CDH13: variants seen among roughly 807,000 people sequenced by gnomAD.
The protein encoded by CDH13 is cadherin 13.
CDH13 carries 24 observed loss-of-function variants against 63.8 expected under a neutral mutation model. The observed-to-expected ratio is 0.38, with a 90% CI of 0.27 to 0.53. The LOEUF (loss-of-function observed/expected upper bound fraction) is 0.53, where lower values mean the gene tolerates loss of function less well. CDH13 is among the 20% of genes least tolerant of loss of function. The pLI, the probability that CDH13 is intolerant of heterozygous loss-of-function variation, is 0.85. For missense variants in CDH13, 1,049 were observed against 903.1 expected (o/e 1.16, Z -2.07); for synonymous variants, 503 against 355.3 (o/e 1.42, Z -4.67).
chr16:83,733,148 G>A (rs1221133746), intron 10 of CDH13, among the ~76,000 whole-genome samples: 1 of 152,208 alleles, frequency 6.6e-6, no homozygotes, highest in African/African-American at 2.4e-5. Context: ...CGTATGTATG[G>A]AATGAACACT....
intron 8 of CDH13, among the ~76,000 whole-genome samples, chr16:83,653,638 A>G (rs192401391): frequency 1.7e-4 from 26 of 152,352 alleles, no homozygotes; most frequent in Middle Eastern, 3.4e-3. Context: ...GACAGGAAAC[A>G]GAACCCAGGA....
chr16:82,710,274 A>T (rs1249737808), intron 1 of CDH13, among the ~76,000 whole-genome samples: 3 of 146,196 alleles, frequency 2.1e-5, no homozygotes, highest in African/African-American at 2.5e-5. Flanking sequence ...AATATATTTT[A>T]TATGTTTAAT....
chr16:83,216,149 T>C (rs1427174839), intron 4 of CDH13, among the ~76,000 whole-genome samples: 1 of 151,468 alleles, frequency 6.6e-6, no homozygotes, highest in Non-Finnish European at 1.5e-5. Flanking sequence ...CCTCCACCTT[T>C]CCCTTCCAAA....
chr16:82,972,010 A>G (rs563688719), intron 2 of CDH13, among the ~76,000 whole-genome samples: 4 of 152,158 alleles, frequency 2.6e-5, no homozygotes, highest in Non-Finnish European at 4.4e-5. Flanking sequence ...CCCTGCCATA[A>G]GCTTATTTGT....
intron 1 of CDH13, among the ~76,000 whole-genome samples, chr16:82,763,105 C>T (rs980825035): frequency 6.6e-6 from 1 of 152,154 alleles, no homozygotes; most frequent in African/African-American, 2.4e-5. Flanking sequence ...ACACCCCAGG[C>T]GTCCTTGTAC....
chr16:82,849,199 A>G (rs921392856), intron 1 of CDH13, among the ~76,000 whole-genome samples: 18 of 152,188 alleles, frequency 1.2e-4, no homozygotes, highest in Admixed American at 1.2e-3. Flanking sequence ...AACGATCCCT[A>G]TAACATAAAA....
chr16:82,928,505 A>G (rs6565081), intron 2 of CDH13, among the ~76,000 whole-genome samples: 94,384 of 152,100 alleles, frequency 0.62, 30,859 homozygotes, highest in Non-Finnish European at 0.73. Flanking sequence ...CACACCAGGG[A>G]TACTATCATC....
chr16:83,722,772 G>T (rs148728577), intron 10 of CDH13, among the ~76,000 whole-genome samples: 4 of 152,158 alleles, frequency 2.6e-5, no homozygotes, highest in African/African-American at 4.8e-5. Context: ...AACCAGGCTG[G>T]GGGGGTGGAT....
At chr16:82,851,158 A>C (rs186182086) in intron 1 of CDH13, among the ~76,000 whole-genome samples, 227 of 152,252 alleles carry the variant, frequency 1.5e-3, no homozygotes, top group Non-Finnish European at 2.5e-3. Flanking sequence ...CAATAGGGCC[A>C]GGTACGGTGG....
intron 6 of CDH13, among the ~76,000 whole-genome samples, chr16:83,445,808 T>C (rs1210201232): frequency 6.6e-6 from 1 of 152,152 alleles, no homozygotes; most frequent in Non-Finnish European, 1.5e-5. Context: ...CTTGGAAATA[T>C]AACTCGGAGT....
intron 1 of CDH13, among the ~76,000 whole-genome samples, chr16:82,760,557 T>C (rs1452477681): frequency 6.6e-6 from 1 of 152,198 alleles, no homozygotes; most frequent in Admixed American, 6.5e-5. Context: ...TGGTATTTAT[T>C]GAGTGTCTTT....
At chr16:83,281,073 A>G (rs1007678117) in intron 5 of CDH13, among the ~76,000 whole-genome samples, 7 of 152,160 alleles carry the variant, frequency 4.6e-5, no homozygotes, top group Non-Finnish European at 1.0e-4. Context: ...TTTTGAAGCC[A>G]GGCATTGACT....
intron 7 of CDH13, among the ~76,000 whole-genome samples, chr16:83,515,635 G>A (rs575623124): frequency 2.0e-5 from 3 of 152,250 alleles, no homozygotes; most frequent in African/African-American, 7.2e-5. Flanking sequence ...TTTCTCAAAT[G>A]CTTAGAATTT....
At chr16:83,596,268 C>G (rs191332588) in intron 7 of CDH13, among the ~76,000 whole-genome samples, 1 of 152,182 alleles carries the variant, frequency 6.6e-6, no homozygotes, top group Non-Finnish European at 1.5e-5. Context: ...GAGAGAAGCA[C>G]AAGGGTGGTG....
chr16:83,177,821 C>G (rs988157088), intron 4 of CDH13, among the ~76,000 whole-genome samples: 1 of 152,202 alleles, frequency 6.6e-6, no homozygotes, highest in Non-Finnish European at 1.5e-5. Context: ...TCATGAAGCA[C>G]TTACCACAAT....
intron 5 of CDH13, among the ~76,000 whole-genome samples, chr16:83,314,573 A>AT (rs921702668): frequency 1.3e-5 from 2 of 151,848 alleles, no homozygotes; most frequent in African/African-American, 2.4e-5. Context: ...AAAATACGGT[A>AT]TTTTTTTCAT....
intron 3 of CDH13, among the ~76,000 whole-genome samples, chr16:83,051,620 TTTCATTAAGACACTCCGGATTC>T (rs1378968197): frequency 6.6e-6 from 1 of 152,230 alleles, no homozygotes; most frequent in Non-Finnish European, 1.5e-5. Flanking sequence ...GTTATCTGGA[TTTCATTAAGACACTCCGGATTC>T]TTCACAAACA....
chr16:82,731,506 G>C (rs904397508), intron 1 of CDH13, among the ~76,000 whole-genome samples: 1 of 152,164 alleles, frequency 6.6e-6, no homozygotes, highest in Non-Finnish European at 1.5e-5. Context: ...TTAAACATCT[G>C]AAAAGTATTT....
At chr16:82,773,747 T>G (rs2151100659) in intron 1 of CDH13, among the ~76,000 whole-genome samples, 1 of 152,230 alleles carries the variant, frequency 6.6e-6, no homozygotes, top group Admixed American at 6.5e-5. Flanking sequence ...TTTTTTTTTC[T>G]TTTTCTTAAT....
Sources: allele counts gnomAD v4.1 joint callset (sites outside exome capture counted in the v4.1 genomes callset), GRCh38; gene constraint gnomAD v4.1.1; transcripts MANE v1.5; gene names NCBI Gene and HGNC (gene_info 2026-07-23, HGNC 2026-07-21).